RASGEF1C: variants seen among roughly 807,000 people sequenced by gnomAD.
The protein encoded by RASGEF1C is ras-GEF domain-containing family member 1C.
RASGEF1C carries 27 observed loss-of-function variants against 58.1 expected under a neutral mutation model. The ratio of observed to expected loss-of-function variants is 0.46; its 90% CI spans 0.34 to 0.64. The LOEUF (loss-of-function observed/expected upper bound fraction) is 0.64. Among genes scored for constraint, RASGEF1C ranks in the 30% least tolerant of loss-of-function variants. RASGEF1C has a pLI of 0.01. For missense variants in RASGEF1C, 502 were observed against 605.1 expected (o/e 0.83, Z 1.79); for synonymous variants, 243 against 246.3 (o/e 0.99, Z 0.13).
chr5:180,187,492 A>T (rs914421135), intron 1 of RASGEF1C, among the ~76,000 whole-genome samples: 1 of 152,188 alleles, frequency 6.6e-6, no homozygotes, highest in African/African-American at 2.4e-5. Flanking sequence ...TGGGAGAAAA[A>T]TTTAACCAAA....
intron 12 of RASGEF1C, among the ~76,000 whole-genome samples, chr5:180,108,970 C>A (rs1370927957): frequency 6.6e-6 from 1 of 152,232 alleles, no homozygotes; most frequent in South Asian, 2.1e-4. Flanking sequence ...TCTGTGTTAA[C>A]TGCTAGATTG....
chr5:180,118,900 C>T (rs780521475), intron 8 of RASGEF1C, 34 bp from the exon 9 acceptor site: 6 of 1,601,126 alleles, frequency 3.7e-6, no homozygotes, highest in Middle Eastern at 3.4e-4. Context: ...GAGGGCTGCT[C>T]CTGGGACAGG....
In RASGEF1C at chr5:180,175,936, G is replaced by A. The variant is rs367887799; in HGVS notation, c.-7+33092C>T. On this transcript the variant is annotated intron_variant, in intron 1 of 13. Coordinates refer to ENST00000361132, the MANE Select transcript of RASGEF1C (RefSeq NM_175062.4). ...CCGGAAGGCAGAGCTTGAAGTGAGC[G>A]GAGATCACGCCACTGCACTCCAGCC... 4.6e-4 allele frequency among the ~76,000 whole-genome samples: 70 copies of A among 152,170 alleles called. 1 individual carries two copies. The highest frequency in any genetic ancestry group is 4.4e-3 in the Admixed American group (67 of 15,278).
intron 12 of RASGEF1C, among the ~76,000 whole-genome samples, chr5:180,103,572 A>G (rs1422364648): frequency 6.6e-6 from 1 of 152,112 alleles, no homozygotes; most frequent in Non-Finnish European, 1.5e-5. Flanking sequence ...CTCCCTTATT[A>G]GTTCTAGGGG....
intron 1 of RASGEF1C, among the ~76,000 whole-genome samples, chr5:180,148,966 AGTTTT>A (rs1208674037): frequency 2.6e-5 from 4 of 152,140 alleles, no homozygotes; most frequent in Non-Finnish European, 5.9e-5. Flanking sequence ...TTTGAAGGAC[AGTTTT>A]GCCATACATA....
intron 1 of RASGEF1C, chr5:180,138,308 T>G: frequency 5.4e-6 from 2 of 369,958 alleles, no homozygotes; most frequent in Non-Finnish European, 9.6e-6. Context: ...TCTACTCCTC[T>G]TGCCCCACTC....
intron 6 of RASGEF1C, among the ~76,000 whole-genome samples, chr5:180,123,006 C>G (rs1766200465): frequency 1.3e-5 from 2 of 151,964 alleles, no homozygotes; most frequent in Admixed American, 6.6e-5. Flanking sequence ...GAGATACACT[C>G]CAAACACAAG....
At chr5:180,164,864 G>A (rs780849354) in intron 1 of RASGEF1C, among the ~76,000 whole-genome samples, 10 of 152,230 alleles carry the variant, frequency 6.6e-5, no homozygotes, top group Admixed American at 1.3e-4. Flanking sequence ...TAAGAGAGGA[G>A]TGTTGAAGTC....
intron 1 of RASGEF1C, among the ~76,000 whole-genome samples, chr5:180,200,721 C>A (rs1049456811): frequency 6.6e-6 from 1 of 151,994 alleles, no homozygotes; most frequent in Non-Finnish European, 1.5e-5. Context: ...TGGTAAAAGC[C>A]AATATGGACC....
chr5:180,169,309 C>T (rs986582157), intron 1 of RASGEF1C, among the ~76,000 whole-genome samples: 4 of 152,140 alleles, frequency 2.6e-5, no homozygotes, highest in Admixed American at 6.5e-5. Flanking sequence ...GCTGGCTGCG[C>T]CCCGAACAGG....
chr5:180,170,319 G>A (rs1053034292), intron 1 of RASGEF1C, among the ~76,000 whole-genome samples: 1 of 152,166 alleles, frequency 6.6e-6, no homozygotes, highest in Non-Finnish European at 1.5e-5. Context: ...CCAGCCAGGA[G>A]GCAGCTGCAA....
chr5:180,130,767 TCTTA>T (rs1246092631), intron 4 of RASGEF1C, among the ~76,000 whole-genome samples: 4 of 152,142 alleles, frequency 2.6e-5, no homozygotes, highest in African/African-American at 7.2e-5. Flanking sequence ...CTCTTCTCAC[TCTTA>T]CTTAGCTCCT....
At chr5:180,122,356 G>GA (rs974449672) in intron 6 of RASGEF1C, among the ~76,000 whole-genome samples, 1 of 151,844 alleles carries the variant, frequency 6.6e-6, no homozygotes. Context: ...ATATCCTTTG[G>GA]AAAAAAAATT....
intron 1 of RASGEF1C, among the ~76,000 whole-genome samples, chr5:180,157,496 G>A (rs373650729): frequency 2.6e-5 from 4 of 151,748 alleles, no homozygotes; most frequent in South Asian, 4.2e-4. Flanking sequence ...GCATGGTGGC[G>A]CATGCTTGTA....
chr5:180,153,979 A>G (rs1692771881), intron 1 of RASGEF1C, among the ~76,000 whole-genome samples: 1 of 152,218 alleles, frequency 6.6e-6, no homozygotes, highest in Non-Finnish European at 1.5e-5. Context: ...GCCCCTGGTC[A>G]GCATGTGTCC....
intron 4 of RASGEF1C, among the ~76,000 whole-genome samples, chr5:180,135,744 G>A (rs1766459904): frequency 6.6e-6 from 1 of 152,214 alleles, no homozygotes; most frequent in South Asian, 2.1e-4. Context: ...GGCCTCCCAA[G>A]CCGCTGGGGT....
In RASGEF1C at chr5:180,190,342, T is replaced by G. The variant is rs559732573; in HGVS notation, c.-7+18686A>C. Among the ~76,000 whole-genome samples, 68 of 151,338 alleles carry G rather than the reference T, an allele frequency of 4.5e-4. 1 individual carries two copies. The highest frequency in any genetic ancestry group is 5.9e-4 in the Admixed American group (9 of 15,148). On this transcript the variant is annotated intron_variant, in intron 1 of 13. Transcript: ENST00000361132. Reference sequence around the variant, plus strand: ...CTCTACTAAAAACAAAACAAAAAATTAGCCGGGCGTGGTGGCGGGCGCCTG... The same window carrying G: ...CTCTACTAAAAACAAAACAAAAAATGAGCCGGGCGTGGTGGCGGGCGCCTG...
intron 1 of RASGEF1C, among the ~76,000 whole-genome samples, chr5:180,188,098 G>T (rs1756073626): frequency 6.6e-6 from 1 of 152,208 alleles, no homozygotes; most frequent in Non-Finnish European, 1.5e-5. Context: ...ATCAACAGAT[G>T]CATGGATAAA....
intron 1 of RASGEF1C, among the ~76,000 whole-genome samples, chr5:180,183,133 A>C (rs1755939460): frequency 2.6e-5 from 4 of 152,182 alleles, no homozygotes; most frequent in African/African-American, 9.7e-5. Context: ...AGATACTTGC[A>C]TCAGAGACTC....
Sources: gnomAD v4.1 joint callset for allele counts (sites outside exome capture counted in the v4.1 genomes callset) on GRCh38, gnomAD v4.1.1 for gene constraint, MANE v1.5 for transcripts, NCBI Gene and HGNC (gene_info 2026-07-23, HGNC 2026-07-21) for gene names.